The following LIMA1 variants were observed in gnomAD, a reference collection of about 807,000 sequenced individuals.
LIMA1 encodes the protein LIM domain and actin-binding protein 1.
In LIMA1, 52 loss-of-function variants were observed where a neutral mutation model predicts 62.6. The observed-to-expected ratio is 0.83, with a 90% confidence interval of 0.67 to 1.05. The LOEUF is 1.05. LIMA1 is among the 50% of genes least tolerant of loss of function. LIMA1 has a pLI of 0.00. For missense variants in LIMA1, 780 were observed against 902.2 expected (o/e 0.86, Z 1.74); for synonymous variants, 302 against 317.8 (o/e 0.95, Z 0.53).
At chr12:50,224,870 T>C (rs1941502381) in intron 3 of LIMA1, among the ~76,000 whole-genome samples, 1 of 151,166 alleles carries the variant, frequency 6.6e-6, no homozygotes, top group Admixed American at 6.6e-5. Context: ...TAGCTAGGAC[T>C]ACAGGTGTAT....
intron 8 of LIMA1, among the ~76,000 whole-genome samples, chr12:50,193,638 G>C (rs1940852482): frequency 1.3e-5 from 1 of 78,172 alleles, no homozygotes; most frequent in African/African-American, 6.7e-5. Flanking sequence ...ATACGTGTGT[G>C]TGTGTGTGTG....
rs113995935 is a variant in LIMA1, at chr12:50,214,526, T to C, written c.630+7495A>G. On this transcript the variant is annotated intron_variant, in intron 4 of 10. Coordinates refer to ENST00000341247, the MANE Select transcript of LIMA1 (RefSeq NM_016357.5). Reference sequence around the variant, plus strand: ...AATTTTAACTTAAAACCATGCAATTTGGCTGGGCGCAGTGGCTCACACCTA... The same window carrying C: ...AATTTTAACTTAAAACCATGCAATTCGGCTGGGCGCAGTGGCTCACACCTA... Among the ~76,000 whole-genome samples the C allele has an allele frequency of 4.3e-3, 651 of 152,322 alleles. 6 individuals carry two copies. The highest frequency in any genetic ancestry group is 0.015 in the African/African-American group (619 of 41,588).
chr12:50,252,473 C>T (rs1028939673), intron 1 of LIMA1, among the ~76,000 whole-genome samples: 1 of 149,028 alleles, frequency 6.7e-6, no homozygotes, highest in African/African-American at 2.5e-5. Flanking sequence ...CCCAGCTGCT[C>T]GGAAGGCTGA....
At chr12:50,196,386 T>C in intron 7 of LIMA1, among the ~76,000 whole-genome samples, 1 of 152,196 alleles carries the variant, frequency 6.6e-6, no homozygotes. Flanking sequence ...CTTTTGACAG[T>C]TATAAAACAA....
intron 6 of LIMA1, 149 bp downstream of exon 6, chr12:50,204,403 C>T: frequency 2.3e-6 from 2 of 866,996 alleles, no homozygotes; most frequent in East Asian, 2.8e-5. Context: ...ACTGCAAATC[C>T]AGCGAGGGTA....
chr12:50,217,630 G>A (rs1223154019), intron 4 of LIMA1: 3 of 192,996 alleles, frequency 1.6e-5, no homozygotes, highest in Admixed American at 5.5e-5. Context: ...CTACAGTGGG[G>A]TGGAGGTGTT....
chr12:50,280,071 G>T (rs530730466), intron 1 of LIMA1, among the ~76,000 whole-genome samples: 7 of 147,680 alleles, frequency 4.7e-5, no homozygotes, highest in African/African-American at 1.7e-4. Context: ...ATCCACACTT[G>T]TTATCAGAAG....
chr12:50,183,869 G>T, intron 9 of LIMA1, among the ~76,000 whole-genome samples: 1 of 150,648 alleles, frequency 6.6e-6, no homozygotes. Flanking sequence ...CAGACTGTTG[G>T]TTCACTTGCC....
At chr12:50,208,713 T>A (rs779751265) in intron 4 of LIMA1, among the ~76,000 whole-genome samples, 11 of 151,750 alleles carry the variant, frequency 7.2e-5, no homozygotes, top group Non-Finnish European at 1.3e-4. Flanking sequence ...TGTGTATATA[T>A]AATTTGTCTC....
intron 2 of LIMA1, among the ~76,000 whole-genome samples, chr12:50,247,096 C>T (rs916408662): frequency 2.0e-5 from 3 of 152,024 alleles, no homozygotes; most frequent in African/African-American, 4.8e-5. Flanking sequence ...TGTGGTCACA[C>T]CACTGCACTC....
intron 2 of LIMA1, among the ~76,000 whole-genome samples, chr12:50,238,946 T>C (rs886376954): frequency 2.0e-5 from 3 of 152,178 alleles, no homozygotes; most frequent in African/African-American, 7.2e-5. Context: ...CAACTCATAT[T>C]TGAGTTTTAA....
intron 2 of LIMA1, among the ~76,000 whole-genome samples, chr12:50,237,987 C>T (rs965915573): frequency 6.6e-6 from 1 of 152,160 alleles, no homozygotes; most frequent in Non-Finnish European, 1.5e-5. Flanking sequence ...TTGGTTGAAA[C>T]ATATGGGAAA....
intron 1 of LIMA1, among the ~76,000 whole-genome samples, chr12:50,257,167 A>T (rs1942007144): frequency 6.6e-6 from 1 of 152,176 alleles, no homozygotes; most frequent in African/African-American, 2.4e-5. Context: ...ATTTTCTGTT[A>T]CTGTCATCCT....
At chr12:50,195,440 A>T (rs1481537885) in intron 8 of LIMA1, among the ~76,000 whole-genome samples, 1 of 152,192 alleles carries the variant, frequency 6.6e-6, no homozygotes, top group African/African-American at 2.4e-5. Flanking sequence ...TTAACAGATT[A>T]TTCAAATACT....
At position 50,271,528 on chromosome 12, in the gene LIMA1, GT is replaced by G. The variant is rs200090302; in HGVS notation, c.-24+11891del. ...GTGAGGTTTTCTTATTTTTCCAGTAGTTTTTTTTCACACATAGTAAGAAAAA... is the reference window on the plus strand; with the variant it reads ...GTGAGGTTTTCTTATTTTTCCAGTAGTTTTTTTCACACATAGTAAGAAAAA... On this transcript the variant is annotated intron_variant, in intron 1 of 10. Transcript: ENST00000341247. 5.9e-5 allele frequency among the ~76,000 whole-genome samples: 9 copies of G among 151,846 alleles called. No individual in the cohort carries two copies. In the East Asian group the frequency reaches 1.4e-3, roughly 23 times the overall value.
At chr12:50,265,206 C>T (rs543931414) in intron 1 of LIMA1, among the ~76,000 whole-genome samples, 1 of 151,390 alleles carries the variant, frequency 6.6e-6, no homozygotes, top group South Asian at 2.1e-4. Context: ...GACTTTTTAG[C>T]TTGAAAGTTG....
At chr12:50,237,869 A>G (rs991477204) in intron 2 of LIMA1, among the ~76,000 whole-genome samples, 43 of 152,192 alleles carry the variant, frequency 2.8e-4, no homozygotes, top group African/African-American at 8.0e-4. Context: ...AAATGGTGCT[A>G]GGAAAACTGG....
intron 10 of LIMA1, among the ~76,000 whole-genome samples, chr12:50,180,710 GGAT>G (rs1253489560): frequency 2.0e-5 from 3 of 152,286 alleles, no homozygotes; most frequent in East Asian, 1.9e-4. Context: ...GTCTCTTGCA[GGAT>G]GATAAGTTTT....
intron 4 of LIMA1, among the ~76,000 whole-genome samples, chr12:50,213,224 G>C (rs1941288574): frequency 6.6e-6 from 1 of 152,314 alleles, no homozygotes; most frequent in East Asian, 1.9e-4. Context: ...TTTTCAATTA[G>C]TTAAGCATAA....
Sources: allele counts gnomAD v4.1 joint callset (sites outside exome capture counted in the v4.1 genomes callset), GRCh38; gene constraint gnomAD v4.1.1; transcripts MANE v1.5; gene names NCBI Gene and HGNC (gene_info 2026-07-23, HGNC 2026-07-21).